IMPG2: variants seen among roughly 807,000 people sequenced by gnomAD.
IMPG2 encodes IPM 200.
Under a neutral mutation model 129.2 loss-of-function variants are expected in IMPG2, and 91 were observed. That is an observed-to-expected ratio of 0.70 (90% CI 0.59 to 0.84). The LOEUF is 0.84. IMPG2 is among the 40% of genes least tolerant of loss of function. IMPG2 has a pLI of 0.00. For missense variants in IMPG2, 1,430 were observed against 1,461.7 expected (o/e 0.98, Z 0.35); for synonymous variants, 510 against 517.7 (o/e 0.99, Z 0.20).
chr3:101,310,559 C>CAAA (rs199570786), intron 2 of IMPG2, among the ~76,000 whole-genome samples: 44 of 126,480 alleles, frequency 3.5e-4, no homozygotes, highest in African/African-American at 1.0e-3. Flanking sequence ...GACCCTGTCT[C>CAAA]AAAAAAAAAA....
At chr3:101,248,246 G>A (rs1242538285) in intron 11 of IMPG2, among the ~76,000 whole-genome samples, 1 of 152,154 alleles carries the variant, frequency 6.6e-6, no homozygotes, top group East Asian at 1.9e-4. Context: ...TCTCGTGATA[G>A]TGAATAAGTC....
chr3:101,281,678 A>G (rs1706894498), intron 4 of IMPG2, among the ~76,000 whole-genome samples: 1 of 152,222 alleles, frequency 6.6e-6, no homozygotes, highest in Non-Finnish European at 1.5e-5. Context: ...TAAGCTTGCT[A>G]ATCGGCAGAT....
At chr3:101,235,955 G>A (rs955476378) in intron 14 of IMPG2, among the ~76,000 whole-genome samples, 3 of 152,230 alleles carry the variant, frequency 2.0e-5, no homozygotes, top group African/African-American at 7.2e-5. Context: ...ATGCCCTTGA[G>A]AGGGTGGCAG....
At chr3:101,291,405 T>C in intron 4 of IMPG2, 74 bp downstream of exon 4, 2 of 1,220,902 alleles carry the variant, frequency 1.6e-6, no homozygotes, top group Non-Finnish European at 2.4e-6. Context: ...CCATTAAATT[T>C]GGGGTGAGTC....
At chr3:101,253,476 G>T (rs1706566031) in intron 11 of IMPG2, among the ~76,000 whole-genome samples, 1 of 152,104 alleles carries the variant, frequency 6.6e-6, no homozygotes, top group Non-Finnish European at 1.5e-5. Context: ...GTGGAGTTTG[G>T]CAATGCAGAC....
intron 2 of IMPG2, among the ~76,000 whole-genome samples, chr3:101,319,248 G>A (rs1372304850): frequency 6.6e-6 from 1 of 152,076 alleles, no homozygotes; most frequent in Non-Finnish European, 1.5e-5. Flanking sequence ...ACATCTTATT[G>A]TGACTGCCCT....
chr3:101,239,863 G>C (rs1408442680), intron 14 of IMPG2, among the ~76,000 whole-genome samples: 1 of 152,148 alleles, frequency 6.6e-6, no homozygotes, highest in Admixed American at 6.5e-5. Flanking sequence ...AGTGGAAGTT[G>C]AACAATGAGA....
At chr3:101,241,112 C>G (rs1282703242) in intron 14 of IMPG2, among the ~76,000 whole-genome samples, 1 of 152,212 alleles carries the variant, frequency 6.6e-6, no homozygotes, top group Non-Finnish European at 1.5e-5. Context: ...ATAAAACAAA[C>G]ACATTCTCAG....
intron 7 of IMPG2, among the ~76,000 whole-genome samples, 184 bp downstream of exon 7, chr3:101,273,397 G>A (rs1272170954): frequency 6.6e-6 from 1 of 152,114 alleles, no homozygotes; most frequent in Non-Finnish European, 1.5e-5. Context: ...TTTTCTTTCT[G>A]TGAAAGAATT....
chr3:101,232,889 T>A lies in IMPG2; in HGVS notation c.3125A>T (p.Tyr1042Phe), dbSNP rs990633116. Residue 1042 changes from tyrosine to phenylalanine, a missense_variant, in exon 15 of 19, where the codon TAC becomes TTC. Transcript: ENST00000193391. ...ACAGGGCCGTTCTTCCACACTCAGG[T>A]ATCCAGGGAAGCATCTGCACTTTGC... ...GEAKCRCFPG[Y>F]LSVEERPCQS... 11 of 1,613,756 alleles carry A rather than the reference T, an allele frequency of 6.8e-6. No homozygotes were observed. The highest frequency in any genetic ancestry group is 5.9e-6 in the Non-Finnish European group (7 of 1,179,998).
chr3:101,308,897 A>T (rs1707232994), intron 2 of IMPG2, among the ~76,000 whole-genome samples: 1 of 152,182 alleles, frequency 6.6e-6, no homozygotes, highest in Admixed American at 6.5e-5. Context: ...ACAGCACCCA[A>T]GTCACCTCTT....
intron 3 of IMPG2, among the ~76,000 whole-genome samples, chr3:101,292,118 C>T (rs1340793115): frequency 1.3e-5 from 2 of 152,198 alleles, no homozygotes; most frequent in African/African-American, 4.8e-5. Context: ...CCCTCCTTAG[C>T]TATACAGGAA....
At chr3:101,234,356 G>T (rs906084440) in intron 14 of IMPG2, among the ~76,000 whole-genome samples, 10 of 151,822 alleles carry the variant, frequency 6.6e-5, no homozygotes, top group African/African-American at 2.4e-4. Flanking sequence ...CCAGGAAAAG[G>T]TAAGGAAAGA....
chr3:101,229,309 C>CCCCCCCCCCCT, intron 17 of IMPG2, 71 bp downstream of exon 17: 3 of 863,348 alleles, frequency 3.5e-6, no homozygotes, highest in Non-Finnish European at 1.9e-6. Flanking sequence ...CACCCCCACC[C>CCCCCCCCCCCT]ACCACCCCCT....
At chr3:101,273,789 A>T in intron 6 of IMPG2, 47 bp from the exon 7 acceptor site, 1 of 1,548,318 alleles carries the variant, frequency 6.5e-7, no homozygotes, top group Admixed American at 1.7e-5. Flanking sequence ...TTATTCATTC[A>T]ATCAACAAAC....
intron 4 of IMPG2, among the ~76,000 whole-genome samples, chr3:101,283,092 G>A (rs139652143): frequency 0.024 from 3,691 of 152,068 alleles, 167 homozygotes; most frequent in African/African-American, 0.083. Context: ...GCGCAATCTC[G>A]GCTCACTGCA....
At chr3:101,291,446 C>A in intron 4 of IMPG2, 33 bp downstream of exon 4, 1 of 1,595,124 alleles carries the variant, frequency 6.3e-7, no homozygotes, top group South Asian at 1.1e-5. Flanking sequence ...TCTGTGTTGC[C>A]AAACATGAAT....
chr3:101,223,971 C>G lies in IMPG2; in HGVS notation c.*2998G>C, dbSNP rs572658837. On this transcript the variant is annotated 3_prime_UTR_variant, in exon 19 of 19. Transcript: ENST00000193391. ...CTGGCCAACATGGTGACGGTGAAAC[C>G]CCATCTCTACTAAAAATATAAAAAT... The G allele has an allele frequency of 4.6e-5, 7 of 152,198 alleles. No individual in the cohort carries two copies. The East Asian group carries it at 1.2e-3, about 25-fold the overall frequency. The allele number at this position is 152,198 out of a possible 1,614,324, so 9.4% of individuals were successfully genotyped here.
intron 4 of IMPG2, among the ~76,000 whole-genome samples, chr3:101,283,381 C>A (rs1486392772): frequency 6.6e-6 from 1 of 151,940 alleles, no homozygotes; most frequent in African/African-American, 2.4e-5. Flanking sequence ...GTATTGTGCC[C>A]CAACTTTATT....
Sources: gnomAD v4.1 joint callset for allele counts (sites outside exome capture counted in the v4.1 genomes callset) on GRCh38, gnomAD v4.1.1 for gene constraint, MANE v1.5 for transcripts, NCBI Gene and HGNC (gene_info 2026-07-23, HGNC 2026-07-21) for gene names.